WDR44: variants seen among roughly 807,000 people sequenced by gnomAD.
WDR44 encodes the protein WD repeat-containing protein 44.
In WDR44, 9 loss-of-function variants were observed where a neutral mutation model predicts 65.7. The ratio of observed to expected loss-of-function variants is 0.14; its 90% CI spans 0.08 to 0.24. The LOEUF (loss-of-function observed/expected upper bound fraction) is 0.24, where lower values mean the gene tolerates loss of function less well. Ranked by LOEUF, WDR44 falls within the 10% of genes least tolerant of loss-of-function variation. The pLI, the probability that WDR44 is intolerant of heterozygous loss-of-function variation, is 1.00. For synonymous variants in WDR44, 220 were observed against 235.2 expected, an observed-to-expected ratio of 0.94 and a Z score of 0.59; for missense variants, 425 against 670.9, an observed-to-expected ratio of 0.63 and a Z score of 4.05.
At chrX:118,424,281 A>ATATGTG (rs760975610) in intron 12 of WDR44, among the ~76,000 whole-genome samples, 24 of 92,736 alleles carry the variant, frequency 2.6e-4, no homozygotes, top group African/African-American at 3.5e-4. Context: ...ATATATATAT[A>ATATGTG]TGTGTGTGTG....
rs770013723 is a variant in WDR44 at position 118,408,681 on chromosome X, G to A, written c.1534-808G>A. Among the ~76,000 whole-genome samples the A allele has an allele frequency of 3.9e-5, 4 of 101,496 alleles. No individual in the cohort carries two copies. The East Asian group carries it at 1.0e-3, about 25-fold the overall frequency. The allele number at this position is 101,496 out of a possible 115,157, so 88.1% of individuals were successfully genotyped here. ...CCCAAAGTGCTGGGATTACAGGCGC[G>A]TGCCACCACGCCCGGCCCATTCCAA... is the stretch of plus-strand genomic sequence containing the variant. On this transcript the variant is annotated intron_variant, in intron 10 of 19. Coordinates refer to ENST00000254029, the MANE Select transcript of WDR44 (RefSeq NM_019045.5).
chrX:118,369,660 G>A (rs1451438128), intron 1 of WDR44, among the ~76,000 whole-genome samples: 2 of 107,664 alleles, frequency 1.9e-5, no homozygotes, highest in African/African-American at 6.8e-5. Context: ...AGTAGAGATG[G>A]GGTTTCACCG....
At chrX:118,374,265 G>A in intron 1 of WDR44, among the ~76,000 whole-genome samples, 1 of 111,638 alleles carries the variant, frequency 9.0e-6, no homozygotes, top group Middle Eastern at 4.6e-3. Context: ...TTGCTTCTTA[G>A]GGTGAAATGA....
intron 1 of WDR44, among the ~76,000 whole-genome samples, chrX:118,368,696 A>AAGTAGCAATCCACAT (rs1556043794): frequency 2.0e-4 from 19 of 93,729 alleles, no homozygotes; most frequent in African/African-American, 8.5e-4. Context: ...ATGAAGTAGC[A>AAGTAGCAATCCACAT]ATCCACATAC....
intron 1 of WDR44, among the ~76,000 whole-genome samples, chrX:118,359,787 T>C (rs1458737044): frequency 8.9e-6 from 1 of 112,393 alleles, no homozygotes; most frequent in Non-Finnish European, 1.9e-5. Context: ...TATTTAAAAT[T>C]TAAATGTCCT....
chrX:118,432,453 T>C (rs2057219784), intron 12 of WDR44, among the ~76,000 whole-genome samples: 1 of 111,723 alleles, frequency 9.0e-6, no homozygotes, highest in South Asian at 3.7e-4. Flanking sequence ...GGAAATCAGC[T>C]AATCTTCATT....
chrX:118,382,857 G>A (rs1306685728), intron 2 of WDR44, among the ~76,000 whole-genome samples: 1 of 111,707 alleles, frequency 9.0e-6, no homozygotes, highest in African/African-American at 3.3e-5. Flanking sequence ...TAATAGTAGG[G>A]AAGCTGGGAT....
At chrX:118,359,777 T>G (rs906526664) in intron 1 of WDR44, among the ~76,000 whole-genome samples, 10 of 112,495 alleles carry the variant, frequency 8.9e-5, no homozygotes, top group Non-Finnish European at 1.7e-4. Context: ...GCTTTCATAG[T>G]ATTTAAAATT....
chrX:118,444,571 G>A, intron 19 of WDR44, 77 bp downstream of exon 19: 1 of 1,037,173 alleles, frequency 9.6e-7, no homozygotes, highest in Non-Finnish European at 1.3e-6. Flanking sequence ...GTATAATAAG[G>A]TTTTCACTAG....
intron 12 of WDR44, among the ~76,000 whole-genome samples, chrX:118,413,766 C>T (rs979774429): frequency 6.3e-5 from 7 of 111,862 alleles, no homozygotes; most frequent in African/African-American, 2.3e-4. Flanking sequence ...AAGCCAATGT[C>T]TAGAAGGGTT....
chrX:118,443,530 A>G, intron 17 of WDR44, 30 bp from the exon 18 acceptor site: 1 of 1,201,136 alleles, frequency 8.3e-7, no homozygotes, highest in Non-Finnish European at 1.1e-6. Context: ...CACACATTTT[A>G]TTTGCTTTTC....
In WDR44 at chrX:118,422,229, A is replaced by G. The variant is rs1035771401; in HGVS notation, c.1738-10552A>G. Among the ~76,000 whole-genome samples the G allele has an allele frequency of 1.2e-4, 9 of 73,144 alleles. No homozygotes were observed. The African/African-American group carries it at 1.4e-3, about 11-fold the overall frequency. 63.5% of individuals were successfully genotyped at this position (73,144 alleles called of 115,157 possible). On this transcript the variant is annotated intron_variant, in intron 12 of 19. Coordinates refer to ENST00000254029, the MANE Select transcript of WDR44 (RefSeq NM_019045.5). ...GGTAACATAACAAGACTATGTCTCTATTTAAAAAAAAAAAATATATAGCCA... is the reference window on the plus strand; with the variant it reads ...GGTAACATAACAAGACTATGTCTCTGTTTAAAAAAAAAAAATATATAGCCA...
At chrX:118,397,164 C>T in intron 7 of WDR44, 58 bp downstream of exon 7, 2 of 1,034,186 alleles carry the variant, frequency 1.9e-6, no homozygotes, top group Non-Finnish European at 2.5e-6. Context: ...TAAGATTTCT[C>T]TGTTAATGAA....
At chrX:118,390,278 T>A (rs1453299238) in intron 3 of WDR44, among the ~76,000 whole-genome samples, 1 of 110,416 alleles carries the variant, frequency 9.1e-6, no homozygotes, top group Non-Finnish European at 1.9e-5. Flanking sequence ...ATGTGTGTCT[T>A]GGTTCTCATT....
chrX:118,417,334 C>A (rs887655932), intron 12 of WDR44, among the ~76,000 whole-genome samples: 2 of 111,214 alleles, frequency 1.8e-5, no homozygotes, highest in African/African-American at 3.3e-5. Flanking sequence ...GGATTTGTTT[C>A]AAGATTTAGA....
chrX:118,364,254 G>A (rs191534242), intron 1 of WDR44, among the ~76,000 whole-genome samples: 147 of 112,380 alleles, frequency 1.3e-3, no homozygotes, highest in Non-Finnish European at 2.3e-3. Context: ...AGAGCATTAA[G>A]CTGAAGTTAG....
intron 4 of WDR44, 83 bp downstream of exon 4, chrX:118,393,354 G>C (rs1410514676): frequency 9.6e-7 from 1 of 1,043,697 alleles, no homozygotes; most frequent in Non-Finnish European, 1.3e-6. Flanking sequence ...AGGCCAAGGC[G>C]GGCGGATCGC....
chrX:118,420,122 A>T (rs186394804), intron 12 of WDR44, among the ~76,000 whole-genome samples: 1 of 110,509 alleles, frequency 9.0e-6, no homozygotes, highest in East Asian at 2.9e-4. Flanking sequence ...TTCAACACTC[A>T]TTTAAATGCT....
intron 3 of WDR44, among the ~76,000 whole-genome samples, chrX:118,390,428 G>A (rs1245331389): frequency 9.0e-6 from 1 of 111,639 alleles, no homozygotes; most frequent in East Asian, 2.8e-4. Flanking sequence ...ATTATCTGGT[G>A]TAGAGAAAAT....
Sources: allele counts gnomAD v4.1 joint callset (sites outside exome capture counted in the v4.1 genomes callset), GRCh38; gene constraint gnomAD v4.1.1; transcripts MANE v1.5; gene names NCBI Gene and HGNC (gene_info 2026-07-23, HGNC 2026-07-21).